Variants in KCNMB2 observed in about 807,000 individuals in gnomAD.
KCNMB2 encodes the protein potassium calcium-activated channel subfamily M regulatory beta subunit 2.
Under a neutral mutation model 24.5 loss-of-function variants are expected in KCNMB2, and 9 were observed. That is an observed-to-expected ratio of 0.37 (90% CI 0.22 to 0.64). The LOEUF is 0.64. Among genes scored for constraint, KCNMB2 ranks in the 30% least tolerant of loss-of-function variants. The pLI, the probability that KCNMB2 is intolerant of heterozygous loss-of-function variation, is 0.63. For synonymous variants in KCNMB2, 109 were observed against 104.4 expected (o/e 1.04, Z -0.27); for missense variants, 226 against 284.3 (o/e 0.79, Z 1.47).
At chr3:178,552,205 G>A (rs897015602) in intron 1 of KCNMB2, among the ~76,000 whole-genome samples, 5 of 152,080 alleles carry the variant, frequency 3.3e-5, no homozygotes, top group African/African-American at 9.7e-5. Context: ...TCTAAATGTC[G>A]ACTGTGGAAG....
chr3:178,745,482 C>G (rs1393055299), intron 1 of KCNMB2, among the ~76,000 whole-genome samples: 1 of 152,166 alleles, frequency 6.6e-6, no homozygotes, highest in Non-Finnish European at 1.5e-5. Context: ...TGGGTGCAGA[C>G]ACAGCCAAAC....
At chr3:178,726,855 A>T (rs1722982432) in intron 1 of KCNMB2, among the ~76,000 whole-genome samples, 1 of 152,024 alleles carries the variant, frequency 6.6e-6, no homozygotes. Context: ...TATTTTTATT[A>T]ATTTGTCTTT....
chr3:178,687,757 T>C (rs181468068), intron 1 of KCNMB2, among the ~76,000 whole-genome samples: 1 of 152,130 alleles, frequency 6.6e-6, no homozygotes, highest in Admixed American at 6.5e-5. Context: ...ACTTTCATTA[T>C]TTTTTTTCTT....
chr3:178,549,262 C>A (rs950839780), intron 1 of KCNMB2, among the ~76,000 whole-genome samples: 3 of 151,186 alleles, frequency 2.0e-5, no homozygotes, highest in Non-Finnish European at 4.4e-5. Context: ...AGAAGGGAAA[C>A]AATCTGCCTC....
intron 1 of KCNMB2, among the ~76,000 whole-genome samples, chr3:178,671,670 G>A (rs901546633): frequency 6.6e-6 from 1 of 152,166 alleles, no homozygotes; most frequent in Non-Finnish European, 1.5e-5. Flanking sequence ...GCATTAGACA[G>A]CGTGCATTTC....
intron 1 of KCNMB2, among the ~76,000 whole-genome samples, chr3:178,551,324 A>C (rs1302280344): frequency 6.6e-6 from 1 of 152,186 alleles, no homozygotes; most frequent in Non-Finnish European, 1.5e-5. Flanking sequence ...TGTGGTGAGC[A>C]TCACCATCCC....
chr3:178,640,871 A>G (rs965875089), intron 1 of KCNMB2, among the ~76,000 whole-genome samples: 1 of 152,074 alleles, frequency 6.6e-6, no homozygotes, highest in African/African-American at 2.4e-5. Context: ...TTTTTAAGTA[A>G]TAAGGTCTCT....
chr3:178,680,992 A>G (rs1408670212), intron 1 of KCNMB2, among the ~76,000 whole-genome samples: 1 of 152,182 alleles, frequency 6.6e-6, no homozygotes, highest in Non-Finnish European at 1.5e-5. Flanking sequence ...GCAGATTGTG[A>G]CTTTTCTCAC....
intron 1 of KCNMB2, among the ~76,000 whole-genome samples, chr3:178,539,416 C>T (rs565983874): frequency 2.0e-5 from 3 of 152,028 alleles, no homozygotes; most frequent in African/African-American, 4.8e-5. Context: ...TACATTTGCA[C>T]GGTTGCATTT....
intron 1 of KCNMB2, among the ~76,000 whole-genome samples, chr3:178,625,685 A>C (rs1251718989): frequency 1.3e-5 from 2 of 152,152 alleles, no homozygotes; most frequent in Non-Finnish European, 2.9e-5. Flanking sequence ...TCAAATACTA[A>C]CCCTTCACCT....
At chr3:178,650,766 A>G (rs1720085471) in intron 1 of KCNMB2, among the ~76,000 whole-genome samples, 1 of 152,208 alleles carries the variant, frequency 6.6e-6, no homozygotes, top group Admixed American at 6.5e-5. Flanking sequence ...TAGGCATATC[A>G]ATATACGTAA....
intron 1 of KCNMB2, among the ~76,000 whole-genome samples, chr3:178,607,240 G>C (rs945289691): frequency 1.1e-4 from 17 of 152,186 alleles, no homozygotes; most frequent in Non-Finnish European, 2.1e-4. Flanking sequence ...ATACAGTGCA[G>C]TGGCAAAGGG....
At chr3:178,691,489 A>G (rs1721675100) in intron 1 of KCNMB2, among the ~76,000 whole-genome samples, 1 of 151,972 alleles carries the variant, frequency 6.6e-6, no homozygotes, top group Non-Finnish European at 1.5e-5. Context: ...CTCCCACTTA[A>G]TAAGTGAAAA....
intron 1 of KCNMB2, among the ~76,000 whole-genome samples, chr3:178,540,246 C>T (rs1715571576): frequency 6.6e-6 from 1 of 152,218 alleles, no homozygotes; most frequent in South Asian, 2.1e-4. Context: ...TACCTTCAAA[C>T]TGTGCCTAGC....
chr3:178,543,347 T>C (rs553895627), intron 1 of KCNMB2, among the ~76,000 whole-genome samples: 137 of 152,352 alleles, frequency 9.0e-4, no homozygotes, highest in African/African-American at 3.2e-3. Context: ...CCCAGTACCT[T>C]GTCAGACTTC....
At chr3:178,605,903 A>T (rs952262608) in intron 1 of KCNMB2, among the ~76,000 whole-genome samples, 2 of 152,158 alleles carry the variant, frequency 1.3e-5, no homozygotes, top group African/African-American at 4.8e-5. Context: ...GTTAGGCAAA[A>T]AGGATCTAAA....
chr3:178,721,029 T>G (rs1191904739), intron 1 of KCNMB2, among the ~76,000 whole-genome samples: 4 of 152,072 alleles, frequency 2.6e-5, no homozygotes, highest in Middle Eastern at 3.2e-3. Flanking sequence ...TTTTGGTGTT[T>G]TAGACATGAA....
Position 178,648,146 on chromosome 3 carries a change from A to G in KCNMB2, c.-68+111435A>G, listed in dbSNP as rs977923931. On this transcript the variant is annotated intron_variant, in intron 1 of 4. Transcript: ENST00000452583. ...TTTGCACCATAGGTATCTACACTAAAGAATTTAATATTCTACTTTCACACA... is the reference window on the plus strand; with the variant it reads ...TTTGCACCATAGGTATCTACACTAAGGAATTTAATATTCTACTTTCACACA... Among the ~76,000 whole-genome samples, 3 of 152,202 alleles carry G rather than the reference A, an allele frequency of 2.0e-5. No homozygotes were observed. In the East Asian group the frequency reaches 5.8e-4, roughly 29 times the overall value.
chr3:178,617,887 T>C (rs1301242087), intron 1 of KCNMB2, among the ~76,000 whole-genome samples: 89 of 101,442 alleles, frequency 8.8e-4, no homozygotes, highest in African/African-American at 4.1e-3. Context: ...CAAGACTCTG[T>C]CTAAAAAAAA....
Sources: gnomAD v4.1 joint callset for allele counts (sites outside exome capture counted in the v4.1 genomes callset) on GRCh38, gnomAD v4.1.1 for gene constraint, MANE v1.5 for transcripts, NCBI Gene and HGNC (gene_info 2026-07-23, HGNC 2026-07-21) for gene names.